Variants in NTRK2 observed in about 807,000 individuals in gnomAD.
NTRK2 encodes the protein BDNF/NT-3 growth factors receptor.
Under a neutral mutation model 94.5 loss-of-function variants are expected in NTRK2, and 13 were observed. The ratio of observed to expected loss-of-function variants is 0.14; its 90% confidence interval spans 0.09 to 0.22. The LOEUF (loss-of-function observed/expected upper bound fraction) is 0.22. Ranked by LOEUF, NTRK2 falls within the 10% of genes least tolerant of loss-of-function variation. The pLI is 1.00. For synonymous variants in NTRK2, 372 were observed against 407.4 expected, an observed-to-expected ratio of 0.91 and a Z score of 1.05; for missense variants, 639 against 1,071.2, an observed-to-expected ratio of 0.60 and a Z score of 5.63.
chr9:84,926,466 A>G (rs971009085), intron 14 of NTRK2, among the ~76,000 whole-genome samples: 2 of 152,004 alleles, frequency 1.3e-5, no homozygotes. Context: ...TCCTGACCTC[A>G]GGTGATCTGC....
chr9:84,896,048 T>G (rs1261516301), intron 14 of NTRK2, among the ~76,000 whole-genome samples: 1 of 152,238 alleles, frequency 6.6e-6, no homozygotes, highest in Non-Finnish European at 1.5e-5. Flanking sequence ...TCATACATTT[T>G]TGTTGTTGTT....
intron 8 of NTRK2, among the ~76,000 whole-genome samples, chr9:84,726,193 A>G (rs1391742413): frequency 1.3e-5 from 2 of 152,226 alleles, no homozygotes; most frequent in Non-Finnish European, 2.9e-5. Flanking sequence ...ATTATAAATA[A>G]TATTAACAAC....
intron 14 of NTRK2, among the ~76,000 whole-genome samples, chr9:84,888,593 C>T (rs1307553525): frequency 5.5e-5 from 6 of 109,784 alleles, no homozygotes; most frequent in Non-Finnish European, 1.0e-4. Context: ...AGCCTGGCGA[C>T]AGAGCAACAC....
In NTRK2 at chr9:84,870,331, G is replaced by GTGTATATATATA. The variant is rs1349303529; in HGVS notation, c.1633+2901_1633+2902insGTATATATATAT. ...ATACATATATGTGGGGTGTGTGTGT[G>GTGTATATATATA]TATATATATATATATATATATATAT... is the stretch of plus-strand genomic sequence containing the variant. On this transcript the variant is annotated intron_variant, in intron 14 of 18. Transcript: ENST00000277120. Among the ~76,000 whole-genome samples, 103 of 31,164 alleles carry GTGTATATATATA rather than the reference G, an allele frequency of 3.3e-3. 2 individuals are homozygous for GTGTATATATATA. The highest frequency in any genetic ancestry group is 0.021 in the South Asian group (7 of 330). The allele number at this position is 31,164 out of a possible 152,430, so 20.4% of individuals were successfully genotyped here.
chr9:84,782,674 C>A (rs531179202), intron 12 of NTRK2, among the ~76,000 whole-genome samples: 2 of 152,086 alleles, frequency 1.3e-5, no homozygotes, highest in African/African-American at 2.4e-5. Context: ...CTGATAAATA[C>A]CATTGTACTT....
At chr9:84,689,467 GT>G (rs1215738546) in intron 2 of NTRK2, among the ~76,000 whole-genome samples, 2 of 152,124 alleles carry the variant, frequency 1.3e-5, no homozygotes, top group Non-Finnish European at 2.9e-5. Context: ...TGGTCAGGTT[GT>G]TTATTAACAG....
At chr9:84,932,611 G>C (rs1458257319) in intron 14 of NTRK2, among the ~76,000 whole-genome samples, 1 of 152,174 alleles carries the variant, frequency 6.6e-6, no homozygotes, top group Non-Finnish European at 1.5e-5. Flanking sequence ...TTACACCGCA[G>C]TACTAAATCT....
intron 2 of NTRK2, among the ~76,000 whole-genome samples, chr9:84,676,759 CTG>C (rs2059082720): frequency 1.3e-5 from 2 of 152,196 alleles, no homozygotes; most frequent in South Asian, 4.1e-4. Context: ...GCGAAAGTAA[CTG>C]TGGTTTTTGC....
intron 14 of NTRK2, among the ~76,000 whole-genome samples, chr9:84,912,778 C>A (rs542112223): frequency 9.2e-5 from 14 of 151,886 alleles, no homozygotes; most frequent in African/African-American, 3.4e-4. Context: ...CCACCACCCC[C>A]GGCTAATTTT....
At chr9:84,838,820 C>G (rs2131752430) in intron 12 of NTRK2, among the ~76,000 whole-genome samples, 1 of 151,900 alleles carries the variant, frequency 6.6e-6, no homozygotes, top group Middle Eastern at 3.4e-3. Flanking sequence ...TAATTCTGGA[C>G]TTTAAAATAT....
At chr9:84,692,102 A>AATTGGTGCCATGGTACCTGTTCAGTT (rs2060082768) in intron 2 of NTRK2, among the ~76,000 whole-genome samples, 1 of 152,072 alleles carries the variant, frequency 6.6e-6, no homozygotes, top group African/African-American at 2.4e-5. Flanking sequence ...TAATATGGTA[A>AATTGGTGCCATGGTACCTGTTCAGTT]ATTGGTGCCA....
chr9:84,845,857 G>A (rs1012397317), intron 12 of NTRK2, among the ~76,000 whole-genome samples: 1 of 151,164 alleles, frequency 6.6e-6, no homozygotes, highest in Non-Finnish European at 1.5e-5. Context: ...CTAAAATCTC[G>A]GCAATCCCCA....
intron 12 of NTRK2, among the ~76,000 whole-genome samples, chr9:84,783,213 G>A (rs1210738442): frequency 1.3e-5 from 2 of 152,196 alleles, no homozygotes; most frequent in Non-Finnish European, 2.9e-5. Context: ...GACATTTTGT[G>A]TGTCTAGGGA....
At chr9:84,789,491 T>A (rs1191096310) in intron 12 of NTRK2, among the ~76,000 whole-genome samples, 2 of 151,978 alleles carry the variant, frequency 1.3e-5, no homozygotes, top group Non-Finnish European at 2.9e-5. Context: ...AGGCTCAAGG[T>A]TTGGTTAGCA....
At chr9:84,913,468 T>G (rs1016059034) in intron 14 of NTRK2, among the ~76,000 whole-genome samples, 3 of 152,266 alleles carry the variant, frequency 2.0e-5, no homozygotes, top group African/African-American at 7.2e-5. Flanking sequence ...TGTAGAAAAC[T>G]CAAGAGGAAA....
intron 15 of NTRK2, among the ~76,000 whole-genome samples, chr9:84,935,800 G>A (rs1172913650): frequency 6.6e-6 from 1 of 152,156 alleles, no homozygotes; most frequent in Non-Finnish European, 1.5e-5. Context: ...AGCACAAAAT[G>A]TTCAGAACAT....
At chr9:84,991,959 GTGC>G (rs1829132090) in intron 17 of NTRK2, among the ~76,000 whole-genome samples, 1 of 152,112 alleles carries the variant, frequency 6.6e-6, no homozygotes, top group Admixed American at 6.5e-5. Flanking sequence ...CCCACAACCA[GTGC>G]CTCCTCCTCC....
intron 15 of NTRK2, among the ~76,000 whole-genome samples, chr9:84,942,781 T>C (rs1235537974): frequency 1.3e-5 from 2 of 152,112 alleles, no homozygotes; most frequent in African/African-American, 2.4e-5. Context: ...AGGTTTTTTT[T>C]TTACCTAAAA....
chr9:85,022,073 A>C lies in NTRK2; in HGVS notation c.*636A>C, dbSNP rs1832812215. ...AATCTGTGAAGCCTTTATCTATGGG[A>C]GATTAAAACCAGAGAGAAAGAAGAT... On this transcript the variant is annotated 3_prime_UTR_variant, in exon 19 of 19. Transcript: ENST00000277120. 4.3e-6 allele frequency: 1 copy of C among 233,450 alleles called. No homozygotes were observed. Among genetic ancestry groups the C allele is most frequent in the African/African-American group, 2.2e-5 (1 of 45,350 alleles). 14.5% of individuals were successfully genotyped at this position (233,450 alleles called of 1,614,324 possible). A position where few individuals can be genotyped will look rare whatever the true frequency, so the allele number is the denominator to read the frequency against.
Sources: gnomAD v4.1 joint callset for allele counts (sites outside exome capture counted in the v4.1 genomes callset) on GRCh38, gnomAD v4.1.1 for gene constraint, MANE v1.5 for transcripts, NCBI Gene and HGNC (gene_info 2026-07-23, HGNC 2026-07-21) for gene names.